RPGRIP1: variants seen among roughly 807,000 people sequenced by gnomAD.
RPGRIP1 encodes RPGR interacting protein 1.
In RPGRIP1, 128 loss-of-function variants were observed where a neutral mutation model predicts 157.9. That is an observed-to-expected ratio of 0.81 (90% CI 0.70 to 0.94). RPGRIP1 has a LOEUF of 0.94. Ranked by LOEUF, RPGRIP1 falls within the 40% of genes least tolerant of loss-of-function variation. The probability of loss-of-function intolerance (pLI) is 0.00; values close to 1 mark genes in which losing one functional copy is unlikely to be tolerated. For missense variants in RPGRIP1, 1,486 were observed against 1,545.8 expected (o/e 0.96, Z 0.65); for synonymous variants, 554 against 571.6 (o/e 0.97, Z 0.44).
chr14:21,288,933 C>T lies in RPGRIP1; in HGVS notation c.85+872C>T, dbSNP rs184236923. Among the ~76,000 whole-genome samples, 581 of 152,270 alleles carry T rather than the reference C, an allele frequency of 3.8e-3. 2 individuals carry two copies. The highest frequency in any genetic ancestry group is 8.4e-3 in the Admixed American group (128 of 15,276). On this transcript the variant is annotated intron_variant, in intron 2 of 24. Coordinates refer to ENST00000400017, the MANE Select transcript of RPGRIP1 (RefSeq NM_020366.4). ...CAACTAGTGGGTTTCACTCATCTAT[C>T]CTTGTGATTAGCCCTTAGCCCTTCA...
At chr14:21,288,926 C>T (rs1880409902) in intron 2 of RPGRIP1, among the ~76,000 whole-genome samples, 1 of 152,192 alleles carries the variant, frequency 6.6e-6, no homozygotes, top group Non-Finnish European at 1.5e-5. Context: ...GGGTTTCACT[C>T]ATCTATCCTT....
intron 12 of RPGRIP1, 73 bp downstream of exon 12, chr14:21,320,250 G>A (rs886212980): frequency 1.9e-5 from 26 of 1,348,098 alleles, no homozygotes; most frequent in African/African-American, 3.0e-5. Flanking sequence ...GGAAGATGAT[G>A]AGATTAGAAA....
chr14:21,339,997 G>A (rs754758113), intron 21 of RPGRIP1, among the ~76,000 whole-genome samples: 3 of 152,156 alleles, frequency 2.0e-5, no homozygotes, highest in Admixed American at 2.0e-4. Flanking sequence ...AGTTGAACTA[G>A]GATAGGTGTT....
intron 23 of RPGRIP1, among the ~76,000 whole-genome samples, chr14:21,345,635 G>A (rs976006434): frequency 3.9e-5 from 6 of 151,974 alleles, no homozygotes; most frequent in African/African-American, 9.7e-5. Flanking sequence ...GAACTCCTGC[G>A]CTCAAGCGAT....
chr14:21,326,640 G>T (rs1883145350), intron 17 of RPGRIP1, among the ~76,000 whole-genome samples: 3 of 152,028 alleles, frequency 2.0e-5, no homozygotes, highest in Admixed American at 2.0e-4. Context: ...AAAGTGCTGG[G>T]ATTACAGACG....
Position 21,321,845 on chromosome 14 carries a change from T to C in RPGRIP1, c.1612-9T>C. ...GAGATAGAAAAGTTCAGACATTATT[T>C]TGTTTCAGGAGGAACTGGAGGCAAT... On this transcript the variant is annotated splice_polypyrimidine_tract_variant and intron_variant, in intron 13 of 24. Transcript: ENST00000400017. The C allele has an allele frequency of 6.2e-7, 1 of 1,608,848 alleles. No homozygotes were observed. The highest frequency in any genetic ancestry group is 8.5e-7 in the Non-Finnish European group (1 of 1,178,180).
chr14:21,320,922 T>C (rs907028947), intron 12 of RPGRIP1, among the ~76,000 whole-genome samples: 1 of 152,152 alleles, frequency 6.6e-6, no homozygotes, highest in Non-Finnish European at 1.5e-5. Context: ...TTTGGAAAAC[T>C]GTGAGAAGGC....
chr14:21,310,496 C>G, intron 7 of RPGRIP1, 88 bp from the exon 8 acceptor site: 1 of 678,858 alleles, frequency 1.5e-6, no homozygotes, highest in South Asian at 2.2e-5. Context: ...TTTATAATGT[C>G]TTTAAAAATG....
chr14:21,351,058 C>CAA, intron 24 of RPGRIP1, 46 bp from the exon 25 acceptor site: 1 of 1,061,352 alleles, frequency 9.4e-7, no homozygotes, highest in Non-Finnish European at 1.4e-6. Context: ...TACCAAGTAT[C>CAA]AAAGTGTTCA....
intron 14 of RPGRIP1, among the ~76,000 whole-genome samples, 186 bp downstream of exon 14, chr14:21,322,190 C>T (rs1306922756): frequency 3.3e-5 from 5 of 152,012 alleles, no homozygotes; most frequent in Non-Finnish European, 5.9e-5. Flanking sequence ...TGGAGTCTTG[C>T]TCTGTCACTC....
intron 21 of RPGRIP1, among the ~76,000 whole-genome samples, chr14:21,340,858 C>T (rs1182003733): frequency 6.6e-6 from 1 of 152,110 alleles, no homozygotes; most frequent in Non-Finnish European, 1.5e-5. Context: ...AGTGTCTTAT[C>T]CTGTCTATCC....
rs764415383 is a variant in RPGRIP1 at position 21,312,471 on chromosome 14, A to G, written c.1116A>G (p.Lys372=). The G allele has an allele frequency of 6.2e-7, 1 of 1,612,114 alleles. No homozygotes were observed. The highest frequency in any genetic ancestry group is 1.1e-5 in the South Asian group (1 of 90,742). The part of the protein sequence containing the change: ...ERVEDLEKER[K]LLNDNYDKLL... ...TTGAAGATTTGGAAAAAGAACGAAA[A>G]TTGCTGAATGACAATTATGACAAAC... Residue 372 remains lysine (K), a synonymous_variant, in exon 10 of 25, where the codon AAA becomes AAG. Transcript: ENST00000400017.
chr14:21,335,801 C>T (rs748238584), intron 21 of RPGRIP1, among the ~76,000 whole-genome samples: 22 of 140,140 alleles, frequency 1.6e-4, no homozygotes, highest in South Asian at 6.2e-4. Context: ...AGCGAGACTA[C>T]GTCTCAAAAA....
intron 1 of RPGRIP1, among the ~76,000 whole-genome samples, chr14:21,282,605 ATTT>A (rs35939351): frequency 3.6e-3 from 367 of 103,200 alleles, no homozygotes; most frequent in African/African-American, 0.012. Flanking sequence ...TCTACATTCC[ATTT>A]TTTTTTTTTT....
rs1209437361 is a variant in RPGRIP1 at position 21,310,624 on chromosome 14, G to T, written c.930+17G>T. On this transcript the variant is annotated intron_variant, in intron 8 of 24. Coordinates refer to ENST00000400017, the MANE Select transcript of RPGRIP1 (RefSeq NM_020366.4). ...CTCCAGAAGGTACTTAATGAGAATT[G>T]AGTCTCTGTTTCTTAGTAACCAGAA... The T allele has an allele frequency of 7.0e-7, 1 of 1,436,648 alleles. No individual in the cohort carries two copies. The highest frequency in any genetic ancestry group is 2.3e-5 in the Admixed American group (1 of 44,170). The allele number at this position is 1,436,648 out of a possible 1,614,324, so 89.0% of individuals were successfully genotyped here.
intron 3 of RPGRIP1, among the ~76,000 whole-genome samples, chr14:21,300,509 A>C (rs1046924218): frequency 6.6e-6 from 1 of 152,158 alleles, no homozygotes; most frequent in Non-Finnish European, 1.5e-5. Flanking sequence ...TAAAGGAGTT[A>C]TCCTTAATTT....
At position 21,288,247 on chromosome 14, in the gene RPGRIP1, C is replaced by T. The variant is rs144243523; in HGVS notation, c.85+186C>T. Among the ~76,000 whole-genome samples, 1,358 of 147,598 alleles carry T rather than the reference C, an allele frequency of 9.2e-3. 7 individuals carry two copies. Among genetic ancestry groups the T allele is most frequent in the Admixed American group, 0.016 (230 of 14,462 alleles). ...CCAGGCTGGAGCACAGTGGCACAATCTCAGCTCACTGCAGCCTCCGACTCC... is the reference window on the plus strand; with the variant it reads ...CCAGGCTGGAGCACAGTGGCACAATTTCAGCTCACTGCAGCCTCCGACTCC... On this transcript the variant is annotated intron_variant, in intron 2 of 24. Transcript: ENST00000400017.
intron 3 of RPGRIP1, among the ~76,000 whole-genome samples, chr14:21,295,570 G>A (rs1336352199): frequency 4.1e-5 from 6 of 145,630 alleles, no homozygotes; most frequent in South Asian, 2.2e-4. Context: ...CGCAACCTCC[G>A]CCTCCAGGAT....
At chr14:21,284,707 G>A (rs145640205) in intron 1 of RPGRIP1, among the ~76,000 whole-genome samples, 93 of 151,870 alleles carry the variant, frequency 6.1e-4, no homozygotes, top group Admixed American at 1.4e-3. Context: ...ACATGTCACC[G>A]CGCCCAGCAA....
Sources: allele counts gnomAD v4.1 joint callset (sites outside exome capture counted in the v4.1 genomes callset), GRCh38; gene constraint gnomAD v4.1.1; transcripts MANE v1.5; gene names NCBI Gene and HGNC (gene_info 2026-07-23, HGNC 2026-07-21).